Variants in CIT observed in about 807,000 individuals in gnomAD.
The protein encoded by CIT is citron rho-interacting serine/threonine kinase, also known as citron Rho-interacting kinase.
CIT carries 79 observed loss-of-function variants against 272.7 expected under a neutral mutation model. The ratio of observed to expected loss-of-function variants is 0.29; its 90% confidence interval spans 0.24 to 0.35. The LOEUF is 0.35. Among genes scored for constraint, CIT ranks in the 10% least tolerant of loss-of-function variants. The probability of loss-of-function intolerance (pLI) is 1.00; values close to 1 mark genes in which losing one functional copy is unlikely to be tolerated. For synonymous variants in CIT, 948 were observed against 995.6 expected, an observed-to-expected ratio of 0.95 and a Z score of 0.90; for missense variants, 1,909 against 2,618.3, an observed-to-expected ratio of 0.73 and a Z score of 5.91.
At chr12:119,812,591 C>T (rs1358947685) in intron 9 of CIT, among the ~76,000 whole-genome samples, 3 of 152,000 alleles carry the variant, frequency 2.0e-5, no homozygotes, top group Non-Finnish European at 4.4e-5. Flanking sequence ...AGGTGCACAC[C>T]ACCATACCCA....
chr12:119,689,824 CCAG>C (rs1242130827), intron 47 of CIT, among the ~76,000 whole-genome samples: 2 of 151,798 alleles, frequency 1.3e-5, no homozygotes, highest in African/African-American at 2.4e-5. Context: ...ACTACAGGCA[CCAG>C]CCACCACACC....
At chr12:119,714,152 G>T (rs1184319892) in intron 33 of CIT, 45 bp downstream of exon 33, 2 of 1,604,528 alleles carry the variant, frequency 1.2e-6, no homozygotes, top group South Asian at 1.1e-5. Flanking sequence ...TTTTAAGCTG[G>T]AGATGCACAG....
intron 5 of CIT, among the ~76,000 whole-genome samples, chr12:119,842,924 A>C (rs1969506357): frequency 6.6e-6 from 1 of 152,204 alleles, no homozygotes; most frequent in African/African-American, 2.4e-5. Flanking sequence ...GACTTGGTAA[A>C]GCTCTACTCT....
intron 39 of CIT, among the ~76,000 whole-genome samples, chr12:119,709,549 G>A (rs1212001586): frequency 1.3e-5 from 2 of 152,112 alleles, no homozygotes; most frequent in Non-Finnish European, 2.9e-5. Context: ...GTCAGTCCCC[G>A]GATCCAGCCA....
At chr12:119,698,183 T>A in intron 44 of CIT, 129 bp from the exon 45 acceptor site, 1 of 780,338 alleles carries the variant, frequency 1.3e-6, no homozygotes, top group African/African-American at 1.7e-5. Context: ...CAAATACATA[T>A]CTATGCGCCA....
intron 10 of CIT, among the ~76,000 whole-genome samples, chr12:119,789,799 C>T (rs1236353517): frequency 2.0e-5 from 3 of 152,140 alleles, no homozygotes; most frequent in African/African-American, 4.8e-5. Context: ...CTCCACCTCC[C>T]GGGTTCAAGC....
chr12:119,831,109 C>T (rs918305195), intron 7 of CIT, among the ~76,000 whole-genome samples: 7 of 152,156 alleles, frequency 4.6e-5, no homozygotes, highest in Non-Finnish European at 2.9e-5. Flanking sequence ...CCTCCCGCCT[C>T]GACCTCCAAA....
At chr12:119,783,820 T>G (rs1337274538) in intron 12 of CIT, 88 bp downstream of exon 12, 4 of 1,452,288 alleles carry the variant, frequency 2.8e-6, no homozygotes, top group Non-Finnish European at 3.7e-6. Context: ...GGCTGTGATG[T>G]GCCTCATGGA....
chr12:119,809,331 C>T (rs948558696), intron 9 of CIT, among the ~76,000 whole-genome samples: 2 of 151,838 alleles, frequency 1.3e-5, no homozygotes, highest in African/African-American at 2.4e-5. Flanking sequence ...CAATAGTCAA[C>T]ATGACAAATT....
At chr12:119,745,790 G>A (rs747068211) in intron 23 of CIT, among the ~76,000 whole-genome samples, 5 of 148,136 alleles carry the variant, frequency 3.4e-5, no homozygotes, top group South Asian at 2.2e-4. Flanking sequence ...AAATATGTAC[G>A]ACTGTGATAT....
At chr12:119,812,001 A>G (rs1039627436) in intron 9 of CIT, among the ~76,000 whole-genome samples, 1 of 145,494 alleles carries the variant, frequency 6.9e-6, no homozygotes, top group Non-Finnish European at 1.5e-5. Context: ...GTTGGAGTGC[A>G]GTGGCATGAT....
intron 28 of CIT, among the ~76,000 whole-genome samples, chr12:119,726,333 C>T (rs1005802885): frequency 6.6e-6 from 1 of 151,716 alleles, no homozygotes; most frequent in Admixed American, 6.6e-5. Flanking sequence ...ATCCTCCCAC[C>T]TCAGCCTCCT....
In CIT at chr12:119,718,142, G is replaced by A; in HGVS notation, c.4168+103C>T. 7.3e-6 allele frequency: 10 copies of A among 1,363,802 alleles called. No individual in the cohort carries two copies. Among genetic ancestry groups the A allele is most frequent in the Non-Finnish European group, 6.9e-6 (7 of 1,018,404 alleles). 84.5% of individuals were successfully genotyped at this position (1,363,802 alleles called of 1,614,324 possible). A position where few individuals can be genotyped will look rare whatever the true frequency, so the allele number is the denominator to read the frequency against. ...GGTGTGAGCCACCGTGCCTGGCCAA[G>A]ACTGACTTTTTAATCTTTAACCCCT... On this transcript the variant is annotated intron_variant, in intron 32 of 47. Transcript: ENST00000392521. This position sits in a 1 kb window ranked among gnomAD's most constrained non-coding sequence, Gnocchi z 4.8.
At position 119,770,518 on chromosome 12, in the gene CIT, G is replaced by A. The variant is rs985915948; in HGVS notation, c.2208+267C>T. On this transcript the variant is annotated intron_variant, in intron 18 of 47. Coordinates refer to ENST00000392521, the MANE Select transcript of CIT (RefSeq NM_001206999.2). The surrounding 1 kb of genome is among the most constrained non-coding windows in gnomAD (Gnocchi z 4.4). Reference sequence around the variant, plus strand: ...TAAAAATGTATTGAAAATGATAGATGCACGTTCCACTAAAAAAAAAAAAAA... The same window carrying A: ...TAAAAATGTATTGAAAATGATAGATACACGTTCCACTAAAAAAAAAAAAAA... 9.4e-6 allele frequency among the ~76,000 whole-genome samples: 1 copy of A among 106,630 alleles called. No individual in the cohort carries two copies. The highest frequency in any genetic ancestry group is 1.9e-5 in the Non-Finnish European group (1 of 53,582). 70.0% of individuals were successfully genotyped at this position (106,630 alleles called of 152,430 possible). A position where few individuals can be genotyped will look rare whatever the true frequency, so the allele number is the denominator to read the frequency against.
chr12:119,813,463 A>G (rs1010105034), intron 9 of CIT, among the ~76,000 whole-genome samples: 2 of 152,196 alleles, frequency 1.3e-5, no homozygotes, highest in Non-Finnish European at 1.5e-5. Flanking sequence ...TCACCCTCAG[A>G]AAATGAGCAT....
intron 19 of CIT, among the ~76,000 whole-genome samples, chr12:119,763,965 C>T (rs1238116016): frequency 6.6e-6 from 1 of 152,162 alleles, no homozygotes; most frequent in African/African-American, 2.4e-5. Flanking sequence ...AAAGCACCTA[C>T]AAGTTGGCAA....
intron 9 of CIT, 47 bp downstream of exon 9, chr12:119,822,773 G>T (rs760845031): frequency 6.3e-7 from 1 of 1,597,160 alleles, no homozygotes; most frequent in Non-Finnish European, 8.6e-7. Flanking sequence ...TCTCTTGAGT[G>T]TTTCATAATC....
intron 7 of CIT, among the ~76,000 whole-genome samples, chr12:119,830,511 A>C (rs748958339): frequency 8.5e-5 from 13 of 152,110 alleles, no homozygotes; most frequent in Non-Finnish European, 1.9e-4. Flanking sequence ...TAGTTTGCTG[A>C]GGTTTTCTTA....
chr12:119,775,895 C>T, intron 15 of CIT, 56 bp from the exon 16 acceptor site: 1 of 1,405,476 alleles, frequency 7.1e-7, no homozygotes, highest in Non-Finnish European at 1.0e-6. Flanking sequence ...TAACATCTTG[C>T]TACATTTATT....
Sources: allele counts gnomAD v4.1 joint callset (sites outside exome capture counted in the v4.1 genomes callset), GRCh38; gene constraint gnomAD v4.1.1; non-coding constraint Gnocchi (gnomAD v3.1); transcripts MANE v1.5; gene names NCBI Gene and HGNC (gene_info 2026-07-23, HGNC 2026-07-21).